TNFRSF13B: variants seen among roughly 807,000 people sequenced by gnomAD.
The protein encoded by TNFRSF13B is TNF receptor superfamily member 13B.
In TNFRSF13B, 34 loss-of-function variants were observed where a neutral mutation model predicts 24.0. The ratio of observed to expected loss-of-function variants is 1.41; its 90% CI spans 1.08 to 1.88. TNFRSF13B has a LOEUF of 1.88. TNFRSF13B is among the 40% of genes most tolerant of loss of function. The pLI is 0.00. For synonymous variants in TNFRSF13B, 173 were observed against 150.3 expected, an observed-to-expected ratio of 1.15 and a Z score of -1.10; for missense variants, 415 against 380.8, an observed-to-expected ratio of 1.09 and a Z score of -0.75.
At chr17:16,969,635 AAC>A (rs1464198216) in intron 1 of TNFRSF13B, among the ~76,000 whole-genome samples, 23 of 152,212 alleles carry the variant, frequency 1.5e-4, no homozygotes, top group African/African-American at 5.3e-4. Flanking sequence ...ATATACTAAA[AAC>A]ACAGACTTGT....
chr17:16,944,144 G>C (rs1304620599), intron 3 of TNFRSF13B, among the ~76,000 whole-genome samples: 2 of 152,108 alleles, frequency 1.3e-5, no homozygotes, highest in African/African-American at 4.8e-5. Flanking sequence ...CTGTGGAGTG[G>C]CCACCACACT....
At chr17:16,971,237 C>T (rs1033133224) in intron 1 of TNFRSF13B, among the ~76,000 whole-genome samples, 1 of 151,748 alleles carries the variant, frequency 6.6e-6, no homozygotes, top group African/African-American at 2.4e-5. Context: ...TAATCTCAGC[C>T]ACTCGGGAGG....
chr17:16,940,925 G>A, intron 3 of TNFRSF13B: 1 of 1,094,966 alleles, frequency 9.1e-7, no homozygotes, highest in Non-Finnish European at 1.1e-6. Context: ...TCGTCCCTTG[G>A]TATCCATGGG....
At chr17:16,948,177 G>T (rs1227624408) in intron 3 of TNFRSF13B, among the ~76,000 whole-genome samples, 1 of 152,084 alleles carries the variant, frequency 6.6e-6, no homozygotes, top group African/African-American at 2.4e-5. Flanking sequence ...AGACACTGGG[G>T]CCTACTAGAA....
rs746618447 is a variant in TNFRSF13B, at chr17:16,948,856, C to T, written c.327G>A (p.Arg109=). Residue 109 remains arginine (R), a synonymous_variant, in exon 3 of 5, where the codon AGG becomes AGA. Transcript: ENST00000261652. ...QCAYFCENKL[R]SPVNLPPELR... ...GCTCTGGTGGAAGGTTCACTGGGCT[C>T]CTGAGCTTGTTCTCACAGAAGTATG... The T allele has an allele frequency of 4.3e-6, 7 of 1,614,106 alleles. No homozygotes were observed. The African/African-American group carries it at 8.0e-5, about 18-fold the overall frequency.
chr17:16,952,560 C>A lies in TNFRSF13B; in HGVS notation c.85G>T (p.Val29Leu), dbSNP rs1409789148. 1.2e-6 allele frequency: 2 copies of A among 1,614,114 alleles called. No homozygotes were observed. Among genetic ancestry groups the A allele is most frequent in the Non-Finnish European group, 1.7e-6 (2 of 1,180,038 alleles). The change falls in exon 2 of 5, where the codon GTG (valine) becomes TTG (leucine). Residue 29 changes from valine to leucine, a missense_variant. By Grantham distance (32) the Val-to-Leu change is conservative. Coordinates refer to ENST00000261652, the MANE Select transcript of TNFRSF13B (RefSeq NM_012452.3). ...TCTTCGGGGCAGGATCTCATAGCCACCCCCGTCCACAGGCCCTGTGGAACT... is the reference window on the plus strand; with the variant it reads ...TCTTCGGGGCAGGATCTCATAGCCAACCCCGTCCACAGGCCCTGTGGAACT... Reference protein sequence around the residue: ...ERFPQGLWTGVAMRSCPEEQY... With the variant: ...ERFPQGLWTGLAMRSCPEEQY...
At chr17:16,945,112 GAC>G (rs894029745) in intron 3 of TNFRSF13B, among the ~76,000 whole-genome samples, 13 of 152,320 alleles carry the variant, frequency 8.5e-5, no homozygotes, top group African/African-American at 2.9e-4. Context: ...AGTGCACAGC[GAC>G]AGTCACAGAG....
chr17:16,941,171 C>G (rs1467821938), intron 3 of TNFRSF13B: 3 of 957,926 alleles, frequency 3.1e-6, no homozygotes, highest in Non-Finnish European at 3.7e-6. Context: ...ACAGATGCAA[C>G]TATCCCCTAT....
At chr17:16,953,881 T>C (rs1229534828) in intron 1 of TNFRSF13B, among the ~76,000 whole-genome samples, 1 of 152,218 alleles carries the variant, frequency 6.6e-6, no homozygotes, top group Non-Finnish European at 1.5e-5. Context: ...GCAGTTCTCC[T>C]GCAGCCTCCC....
chr17:16,939,355 C>CT lies in TNFRSF13B; in HGVS notation c.*191_*192insA. The CT allele has an allele frequency of 1.6e-6, 1 of 642,590 alleles. No homozygotes were observed. Among genetic ancestry groups the CT allele is most frequent in the South Asian group, 2.6e-5 (1 of 38,264 alleles). 39.8% of individuals were successfully genotyped at this position (642,590 alleles called of 1,614,324 possible). A position where few individuals can be genotyped will look rare whatever the true frequency, so the allele number is the denominator to read the frequency against. On this transcript the variant is annotated 3_prime_UTR_variant, in exon 5 of 5. Coordinates refer to ENST00000261652, the MANE Select transcript of TNFRSF13B (RefSeq NM_012452.3). The stretch of plus-strand genomic sequence containing the variant: ...TGTCTCTTTCCTTCTCTGCCTCTTT[C>CT]CCTCTCTGCCTCTCTTCCCCTCTGT...
At chr17:16,967,781 GAA>G (rs797020481) in intron 1 of TNFRSF13B, among the ~76,000 whole-genome samples, 1 of 118,434 alleles carries the variant, frequency 8.4e-6, no homozygotes, top group African/African-American at 3.3e-5. Context: ...AAGAAAGAAA[GAA>G]AAAAAAAAGA....
intron 1 of TNFRSF13B, among the ~76,000 whole-genome samples, chr17:16,969,736 G>A (rs1282286388): frequency 6.6e-6 from 1 of 152,136 alleles, no homozygotes; most frequent in Admixed American, 6.5e-5. Flanking sequence ...GGCAGATGGA[G>A]GACAAGGAGG....
chr17:16,961,640 GA>G (rs2087663246), intron 1 of TNFRSF13B, among the ~76,000 whole-genome samples: 2 of 152,140 alleles, frequency 1.3e-5, no homozygotes, highest in African/African-American at 4.8e-5. Context: ...AAAAGTTTTG[GA>G]TATAGATAGT....
intron 1 of TNFRSF13B, among the ~76,000 whole-genome samples, chr17:16,967,768 A>G (rs932259281): frequency 2.7e-5 from 4 of 148,530 alleles, no homozygotes; most frequent in South Asian, 2.1e-4. Context: ...AAAAAAAAAA[A>G]AAAAGAAAGA....
At chr17:16,953,300 A>G (rs1045272222) in intron 1 of TNFRSF13B, among the ~76,000 whole-genome samples, 1 of 152,258 alleles carries the variant, frequency 6.6e-6, no homozygotes, top group Admixed American at 6.5e-5. Context: ...AGCAAGAACC[A>G]AGAATGTCAA....
chr17:16,945,393 C>T (rs1012803508), intron 3 of TNFRSF13B, among the ~76,000 whole-genome samples: 2 of 152,226 alleles, frequency 1.3e-5, no homozygotes. Context: ...AGACGCCACT[C>T]TGGGTCATTT....
chr17:16,949,188 A>T (rs2087571505), intron 2 of TNFRSF13B, among the ~76,000 whole-genome samples: 1 of 152,156 alleles, frequency 6.6e-6, no homozygotes, highest in Non-Finnish European at 1.5e-5. Flanking sequence ...TTGCATTTTG[A>T]TGTGTAGTAT....
intron 1 of TNFRSF13B, among the ~76,000 whole-genome samples, chr17:16,959,048 A>G (rs1295899256): frequency 6.6e-6 from 1 of 152,088 alleles, no homozygotes; most frequent in Non-Finnish European, 1.5e-5. Context: ...TCTCCAGGAT[A>G]GACCTTATGT....
intron 3 of TNFRSF13B, among the ~76,000 whole-genome samples, chr17:16,942,954 G>A (rs1002392381): frequency 6.6e-6 from 1 of 152,218 alleles, no homozygotes; most frequent in African/African-American, 2.4e-5. Context: ...AGGCCTGACA[G>A]CCTCGGTGTT....
Sources: gnomAD v4.1 joint callset for allele counts (sites outside exome capture counted in the v4.1 genomes callset) on GRCh38, gnomAD v4.1.1 for gene constraint, MANE v1.5 for transcripts, NCBI Gene and HGNC (gene_info 2026-07-23, HGNC 2026-07-21) for gene names.